The following MED13 variants were observed in gnomAD, a reference collection of about 807,000 sequenced individuals.
The protein encoded by MED13 is mediator complex subunit 13, also known as mediator of RNA polymerase II transcription subunit 13.
MED13 carries 23 observed loss-of-function variants against 225.2 expected under a neutral mutation model. That is an observed-to-expected ratio of 0.10 (90% CI 0.07 to 0.14). MED13 has a LOEUF of 0.14. Ranked by LOEUF, MED13 falls within the 10% of genes least tolerant of loss-of-function variation. The pLI is 1.00. For missense variants in MED13, 2,197 were observed against 2,594.5 expected (o/e 0.85, Z 3.33); for synonymous variants, 942 against 889.2 (o/e 1.06, Z -1.06).
chr17:61,970,924 C>CT (rs1234282375), intron 17 of MED13, among the ~76,000 whole-genome samples: 3 of 151,606 alleles, frequency 2.0e-5, no homozygotes, highest in Non-Finnish European at 2.9e-5. Context: ...ACTTGGCAGG[C>CT]TGAGGTGAGA....
At chr17:62,000,796 T>G (rs544153938) in intron 9 of MED13, among the ~76,000 whole-genome samples, 1 of 152,314 alleles carries the variant, frequency 6.6e-6, no homozygotes, top group South Asian at 2.1e-4. Flanking sequence ...GGAGTCTTGC[T>G]CTGTTGCTCA....
At chr17:61,999,102 G>C (rs2080371131) in intron 9 of MED13, among the ~76,000 whole-genome samples, 1 of 152,026 alleles carries the variant, frequency 6.6e-6, no homozygotes, top group African/African-American at 2.4e-5. Flanking sequence ...TTTCATCACA[G>C]ACTTCTTTCT....
chr17:62,007,628 C>T (rs976391948), intron 9 of MED13: 2 of 152,084 alleles, frequency 1.3e-5, no homozygotes, highest in Non-Finnish European at 2.9e-5. Context: ...GCGGGCGGAT[C>T]ACGAGGTCGG....
intron 2 of MED13, among the ~76,000 whole-genome samples, chr17:62,058,435 C>T (rs753409174): frequency 1.7e-4 from 26 of 149,760 alleles, no homozygotes; most frequent in African/African-American, 4.9e-4. Flanking sequence ...GCAGAAGGAT[C>T]GCTTGAACCT....
intron 3 of MED13, among the ~76,000 whole-genome samples, chr17:62,037,126 G>A (rs1433954639): frequency 1.3e-5 from 2 of 152,014 alleles, no homozygotes; most frequent in African/African-American, 4.8e-5. Flanking sequence ...AGTGGCAGGT[G>A]CCTGTAATCC....
intron 8 of MED13, among the ~76,000 whole-genome samples, chr17:62,019,709 T>C (rs926979824): frequency 6.6e-6 from 1 of 152,114 alleles, no homozygotes; most frequent in Admixed American, 6.5e-5. Context: ...TTCTAAAAGC[T>C]AGTTTCTTTA....
At chr17:62,024,197 T>C (rs2080677484) in intron 8 of MED13, among the ~76,000 whole-genome samples, 1 of 152,122 alleles carries the variant, frequency 6.6e-6, no homozygotes, top group Non-Finnish European at 1.5e-5. Context: ...TTTGTATTTT[T>C]AATAGAGATG....
At chr17:62,020,447 G>A (rs1041785385) in intron 8 of MED13, among the ~76,000 whole-genome samples, 3 of 151,908 alleles carry the variant, frequency 2.0e-5, no homozygotes, top group Non-Finnish European at 4.4e-5. Context: ...CACGATCTCG[G>A]CTCACTGCAA....
chr17:62,006,281 A>T (rs1163174789), intron 9 of MED13: 1 of 124,870 alleles, frequency 8.0e-6, no homozygotes, highest in African/African-American at 2.9e-5. Flanking sequence ...AAAAAAAAAA[A>T]AAAGGGGGGG....
intron 17 of MED13, among the ~76,000 whole-genome samples, chr17:61,969,432 T>C (rs1375314728): frequency 2.6e-5 from 4 of 152,126 alleles, no homozygotes; most frequent in South Asian, 2.1e-4. Flanking sequence ...TCTCAGCACC[T>C]TGGGAGACTG....
chr17:62,002,689 A>G (rs2080407023), intron 9 of MED13, among the ~76,000 whole-genome samples: 1 of 152,174 alleles, frequency 6.6e-6, no homozygotes, highest in African/African-American at 2.4e-5. Flanking sequence ...TATTCCAACA[A>G]AATCCTTTTC....
chr17:62,025,260 T>C (rs1177020367), intron 8 of MED13, among the ~76,000 whole-genome samples: 2 of 152,254 alleles, frequency 1.3e-5, no homozygotes, highest in Non-Finnish European at 2.9e-5. Context: ...AATAAATGAA[T>C]GTGGCTGTGT....
intron 3 of MED13, among the ~76,000 whole-genome samples, chr17:62,047,468 A>G (rs2080908509): frequency 6.6e-6 from 1 of 152,114 alleles, no homozygotes; most frequent in African/African-American, 2.4e-5. Flanking sequence ...AAAACCAAAC[A>G]CTGTATGTTC....
chr17:62,032,829 T>A (rs1471728744), intron 5 of MED13, among the ~76,000 whole-genome samples: 1 of 152,146 alleles, frequency 6.6e-6, no homozygotes, highest in African/African-American at 2.4e-5. Flanking sequence ...TGAGAGGACA[T>A]AGAGAATACA....
chr17:62,019,427 T>C (rs909560835), intron 8 of MED13, among the ~76,000 whole-genome samples: 1 of 152,226 alleles, frequency 6.6e-6, no homozygotes, highest in Non-Finnish European at 1.5e-5. Flanking sequence ...TTCGGTAATT[T>C]TTTAAGACTG....
chr17:61,989,488 G>A (rs1267987928), intron 11 of MED13, among the ~76,000 whole-genome samples: 3 of 152,006 alleles, frequency 2.0e-5, no homozygotes, highest in Admixed American at 6.6e-5. Context: ...ACAGGTGCAC[G>A]CCACCACACC....
At position 61,946,423 on chromosome 17, in the gene MED13, C is replaced by T. The variant is rs899416796; in HGVS notation, c.*45G>A. The stretch of plus-strand genomic sequence containing the variant: ...GTAACTTAATCCTGCAGCGAAACAT[C>T]CATTTTTCCTTGTTCTTTTCTTGCA... On this transcript the variant is annotated 3_prime_UTR_variant, in exon 30 of 30. Coordinates refer to ENST00000397786, the MANE Select transcript of MED13 (RefSeq NM_005121.3). 29 of 1,593,376 alleles carry T rather than the reference C, an allele frequency of 1.8e-5. No homozygotes were observed. Among genetic ancestry groups the T allele is most frequent in the Non-Finnish European group, 2.3e-5 (27 of 1,166,150 alleles).
In MED13 at chr17:61,947,564, T is replaced by C. The variant is rs372750820; in HGVS notation, c.6292-547A>G. Among the ~76,000 whole-genome samples the C allele has an allele frequency of 1.4e-4, 21 of 152,336 alleles. No individual in the cohort carries two copies. In the East Asian group the frequency reaches 2.1e-3, roughly 15 times the overall value. ...CCCTTTATGACTACGCAGACATACC[T>C]ACGTCTAGCACTGAAAAAAGTAACA... On this transcript the variant is annotated intron_variant, in intron 28 of 29. Transcript: ENST00000397786.
chr17:62,043,599 C>G lies in MED13; in HGVS notation c.471-7991G>C, dbSNP rs148719600. On this transcript the variant is annotated intron_variant, in intron 3 of 29. Transcript: ENST00000397786. The stretch of plus-strand genomic sequence containing the variant: ...GGTACCTTTCACTAATAAACACTAC[C>G]AAGTTCAACTGGGCTTAAACCCCTA... 5.0e-3 allele frequency among the ~76,000 whole-genome samples: 762 copies of G among 152,224 alleles called. 7 individuals are homozygous for G. Among genetic ancestry groups the G allele is most frequent in the South Asian group, 8.1e-3 (39 of 4,820 alleles).
Sources: gnomAD v4.1 joint callset for allele counts (sites outside exome capture counted in the v4.1 genomes callset) on GRCh38, gnomAD v4.1.1 for gene constraint, MANE v1.5 for transcripts, NCBI Gene and HGNC (gene_info 2026-07-23, HGNC 2026-07-21) for gene names.